Variants in ESYT2 observed in about 807,000 individuals in gnomAD.
The protein encoded by ESYT2 is extended synaptotagmin-2.
A neutral mutation model predicts 107.2 loss-of-function variants in ESYT2; 54 were observed. That is an observed-to-expected ratio of 0.50 (90% CI 0.40 to 0.63). ESYT2 has a LOEUF of 0.63. Ranked by LOEUF, ESYT2 falls within the 30% of genes least tolerant of loss-of-function variation. The pLI, the probability that ESYT2 is intolerant of heterozygous loss-of-function variation, is 0.00. For missense variants in ESYT2, 1,020 were observed against 1,094.5 expected (o/e 0.93, Z 0.96); for synonymous variants, 491 against 434.1 (o/e 1.13, Z -1.63).
At chr7:158,805,424 A>C (rs1336407177) in intron 1 of ESYT2, among the ~76,000 whole-genome samples, 1 of 152,254 alleles carries the variant, frequency 6.6e-6, no homozygotes, top group Non-Finnish European at 1.5e-5. Flanking sequence ...GTAGAGAGGA[A>C]TCTAAAAACA....
intron 18 of ESYT2, 63 bp downstream of exon 18, chr7:158,741,460 C>T: frequency 2.9e-6 from 4 of 1,399,706 alleles, no homozygotes; most frequent in South Asian, 2.8e-5. Context: ...ACGACTCTCC[C>T]CCAGCGTGGG....
chr7:158,745,271 C>T (rs201331237), intron 16 of ESYT2, among the ~76,000 whole-genome samples: 1 of 80,118 alleles, frequency 1.2e-5, no homozygotes, highest in African/African-American at 3.4e-5. Flanking sequence ...TCACACTCAC[C>T]TATCTAATGA....
At chr7:158,768,884 A>G (rs1402036736) in intron 7 of ESYT2, among the ~76,000 whole-genome samples, 2 of 151,580 alleles carry the variant, frequency 1.3e-5, no homozygotes, top group East Asian at 1.9e-4. Flanking sequence ...ACAAACAAAC[A>G]TATATATATG....
At position 158,764,758 on chromosome 7, in the gene ESYT2, T is replaced by A. The variant is rs1384907444; in HGVS notation, c.1020A>T (p.Gly340=). ...GLVKGKSDPY[G]IIRVGNQIFQ... Reference sequence around the variant, plus strand: ...AGATTTGGTTGCCAACTCTAATGATTCCATAGGGGTCTGACTTTCCCTTGA... The same window carrying A: ...AGATTTGGTTGCCAACTCTAATGATACCATAGGGGTCTGACTTTCCCTTGA... The change falls in exon 9 of 23, where the codon GGA becomes GGT. Residue 340 remains glycine, a synonymous_variant. Transcript: ENST00000275418. 1.2e-6 allele frequency: 2 copies of A among 1,614,144 alleles called. No homozygotes were observed.
chr7:158,752,002 ACT>A (rs1261031584), intron 14 of ESYT2, among the ~76,000 whole-genome samples: 2 of 151,960 alleles, frequency 1.3e-5, no homozygotes, highest in African/African-American at 4.8e-5. Flanking sequence ...TATAAAGCAG[ACT>A]CTGCCAGTCT....
intron 13 of ESYT2, among the ~76,000 whole-genome samples, chr7:158,753,459 A>G (rs1353446851): frequency 6.6e-6 from 1 of 152,124 alleles, no homozygotes; most frequent in East Asian, 1.9e-4. Flanking sequence ...TTTTTTTCCA[A>G]TTCATTAGTT....
chr7:158,733,408 T>G lies in ESYT2; in HGVS notation c.*799A>C, dbSNP rs1219350572. ...CAGTTGAGGAAAAGTACAAGGTGTC[T>G]GTATACTGTTTCATGAGTAAGTTAC... On this transcript the variant is annotated 3_prime_UTR_variant, in exon 23 of 23. Transcript: ENST00000275418. 6.6e-6 allele frequency: 1 copy of G among 152,232 alleles called. No homozygotes were observed. Among genetic ancestry groups the G allele is most frequent in the Non-Finnish European group, 1.5e-5 (1 of 68,040 alleles). The allele number at this position is 152,232 out of a possible 1,614,324, so 9.4% of individuals were successfully genotyped here. A position where few individuals can be genotyped will look rare whatever the true frequency, so the allele number is the denominator to read the frequency against.
intron 14 of ESYT2, among the ~76,000 whole-genome samples, chr7:158,751,882 C>A (rs1587389023): frequency 6.6e-6 from 1 of 152,306 alleles, no homozygotes; most frequent in East Asian, 1.9e-4. Flanking sequence ...TTCTGGAGGG[C>A]ACAGTTATTT....
chr7:158,778,366 C>T (rs1466654014), intron 6 of ESYT2, among the ~76,000 whole-genome samples: 1 of 151,100 alleles, frequency 6.6e-6, no homozygotes, highest in South Asian at 2.1e-4. Context: ...CAGTATAAAG[C>T]TAATTTTAGT....
At position 158,738,327 on chromosome 7, in the gene ESYT2, ATACACACAC is replaced by A. The variant is rs1404028683; in HGVS notation, c.2267+687_2267+695del. On this transcript the variant is annotated intron_variant, in intron 19 of 22. Coordinates refer to ENST00000275418, the MANE Select transcript of ESYT2 (RefSeq NM_001367773.1). ...ACTCTGTCTCCAAAAAAAAAAAAAAATACACACACACACACAGACACACACACACACACA... is the reference window on the plus strand; with the variant it reads ...ACTCTGTCTCCAAAAAAAAAAAAAAAACACACAGACACACACACACACACA... Among the ~76,000 whole-genome samples, 743 of 105,418 alleles carry A rather than the reference ATACACACAC, an allele frequency of 7.0e-3. 24 individuals are homozygous for A. The highest frequency in any genetic ancestry group is 0.013 in the African/African-American group (349 of 27,378). 69.2% of individuals were successfully genotyped at this position (105,418 alleles called of 152,430 possible). A position where few individuals can be genotyped will look rare whatever the true frequency, so the allele number is the denominator to read the frequency against.
At chr7:158,742,481 T>C (rs1837249375) in intron 17 of ESYT2, among the ~76,000 whole-genome samples, 1 of 152,230 alleles carries the variant, frequency 6.6e-6, no homozygotes, top group Admixed American at 6.5e-5. Context: ...CAGAGTCGCA[T>C]TTCCTCGACA....
chr7:158,787,398 C>T (rs1033256455), intron 6 of ESYT2, among the ~76,000 whole-genome samples: 15 of 152,304 alleles, frequency 9.8e-5, no homozygotes, highest in African/African-American at 3.6e-4. Flanking sequence ...TCTCCGATAA[C>T]ATTCAACCTG....
At chr7:158,735,887 C>G (rs3816464) in intron 20 of ESYT2, among the ~76,000 whole-genome samples, 36,019 of 151,990 alleles carry the variant, frequency 0.24, 5,137 homozygotes, top group East Asian at 0.59. Flanking sequence ...GAGCGTCTCT[C>G]AACATGTCTG....
At chr7:158,821,876 A>G (rs1364641347) in intron 1 of ESYT2, among the ~76,000 whole-genome samples, 1 of 152,086 alleles carries the variant, frequency 6.6e-6, no homozygotes, top group Non-Finnish European at 1.5e-5. Context: ...GCCCTTCAAT[A>G]AGAGTAGAAT....
chr7:158,742,537 C>T (rs780363056), intron 17 of ESYT2, among the ~76,000 whole-genome samples: 7 of 152,220 alleles, frequency 4.6e-5, no homozygotes, highest in Admixed American at 6.5e-5. Flanking sequence ...CACCCGGCGT[C>T]CCCAGAGGGA....
intron 13 of ESYT2, among the ~76,000 whole-genome samples, chr7:158,753,923 T>C (rs1837666648): frequency 6.6e-6 from 1 of 152,124 alleles, no homozygotes; most frequent in Admixed American, 6.5e-5. Flanking sequence ...GAAGCTCACT[T>C]TTGGATAGAT....
intron 4 of ESYT2, among the ~76,000 whole-genome samples, chr7:158,791,617 T>C (rs1839296248): frequency 6.6e-6 from 1 of 152,230 alleles, no homozygotes; most frequent in Non-Finnish European, 1.5e-5. Context: ...GCCTTTCTAA[T>C]AGGTGTTAGG....
chr7:158,771,128 A>T (rs1394492887), intron 7 of ESYT2, among the ~76,000 whole-genome samples: 1 of 152,282 alleles, frequency 6.6e-6, no homozygotes, highest in African/African-American at 2.4e-5. Flanking sequence ...ACTTTTAAAT[A>T]AAATGAATCA....
At chr7:158,782,017 A>G (rs1317425975) in intron 6 of ESYT2, among the ~76,000 whole-genome samples, 1 of 151,242 alleles carries the variant, frequency 6.6e-6, no homozygotes, top group African/African-American at 2.4e-5. Flanking sequence ...GTGTGAACAA[A>G]GTGAGGTGTA....
Sources: allele counts gnomAD v4.1 joint callset (sites outside exome capture counted in the v4.1 genomes callset), GRCh38; gene constraint gnomAD v4.1.1; transcripts MANE v1.5; gene names NCBI Gene and HGNC (gene_info 2026-07-23, HGNC 2026-07-21).